ADAMTSL1: variants seen among roughly 807,000 people sequenced by gnomAD.
ADAMTSL1 encodes the protein ADAMTS like 1, also known as ADAMTS-like protein 1.
Under a neutral mutation model 201.8 loss-of-function variants are expected in ADAMTSL1, and 126 were observed. The ratio of observed to expected loss-of-function variants is 0.62; its 90% CI spans 0.54 to 0.72. ADAMTSL1 has a LOEUF of 0.72. ADAMTSL1 is among the 30% of genes least tolerant of loss of function. The pLI is 0.00. For synonymous variants in ADAMTSL1, 1,121 were observed against 903.4 expected (o/e 1.24, Z -4.32); for missense variants, 2,679 against 2,277.8 (o/e 1.18, Z -3.59).
At chr9:18,321,321 T>C (rs1245884418) in intron 2 of ADAMTSL1, among the ~76,000 whole-genome samples, 1 of 152,028 alleles carries the variant, frequency 6.6e-6, no homozygotes, top group African/African-American at 2.4e-5. Flanking sequence ...AACTGACATA[T>C]TAAAGGGAGA....
At chr9:18,470,693 G>A (rs902170799), upstream of ADAMTSL1, among the ~76,000 whole-genome samples, 3 of 152,316 alleles carry the variant, frequency 2.0e-5, no homozygotes, top group South Asian at 4.1e-4. Context: ...CCCAGGGAGA[G>A]AAATACCGAA....
At chr9:18,091,685 A>T (rs779461937) in intron 1 of ADAMTSL1, among the ~76,000 whole-genome samples, 9 of 152,148 alleles carry the variant, frequency 5.9e-5, no homozygotes, top group Non-Finnish European at 1.3e-4. Flanking sequence ...GAAAATGAGG[A>T]TAGCCATCAC....
rs1821144180 is a variant in ADAMTSL1, at chr9:18,777,700, T to C, written c.3471T>C (p.Ser1157=). 1.2e-6 allele frequency: 2 copies of C among 1,613,372 alleles called. No homozygotes were observed. Among genetic ancestry groups the C allele is most frequent in the South Asian group, 1.1e-5 (1 of 91,018 alleles). The change falls in exon 19 of 29, where the codon TCT becomes TCC. Residue 1157 remains serine (S), a synonymous_variant. Coordinates refer to ENST00000380548, the MANE Select transcript of ADAMTSL1 (RefSeq NM_001040272.6). ...TSSTGDAGGG[S]RRPHRKPTIL... ...CCACCGGGGACGCCGGGGGAGGCTCTCGAAGGCCACACCGCAAGCCCACCA... is the reference window on the plus strand; with the variant it reads ...CCACCGGGGACGCCGGGGGAGGCTCCCGAAGGCCACACCGCAAGCCCACCA...
chr9:18,502,261 G>A (rs905689038), intron 1 of ADAMTSL1, among the ~76,000 whole-genome samples: 1 of 152,162 alleles, frequency 6.6e-6, no homozygotes, highest in Non-Finnish European at 1.5e-5. Flanking sequence ...GAATCCTAAC[G>A]TTTGTGATAC....
At chr9:18,879,072 T>G (rs1255771468) in intron 23 of ADAMTSL1, among the ~76,000 whole-genome samples, 1 of 152,220 alleles carries the variant, frequency 6.6e-6, no homozygotes, top group Non-Finnish European at 1.5e-5. Context: ...ACCCCATCAT[T>G]GGCTTAGTTC....
At chr9:18,515,689 C>T (rs549480393) in intron 2 of ADAMTSL1, among the ~76,000 whole-genome samples, 36 of 152,156 alleles carry the variant, frequency 2.4e-4, no homozygotes, top group African/African-American at 7.2e-4. Context: ...TGATCGAGTC[C>T]GCCATGTGGG....
intron 16 of ADAMTSL1, among the ~76,000 whole-genome samples, chr9:18,770,123 G>A (rs1177332437): frequency 6.6e-6 from 1 of 152,110 alleles, no homozygotes; most frequent in Admixed American, 6.6e-5. Flanking sequence ...TAAATCTAAT[G>A]CCCATTCCGT....
At chr9:18,829,063 T>C (rs1279242732) in intron 22 of ADAMTSL1, among the ~76,000 whole-genome samples, 2 of 152,098 alleles carry the variant, frequency 1.3e-5, no homozygotes, top group African/African-American at 2.4e-5. Context: ...AGGGATCTGC[T>C]GCTTTTCCAA....
At chr9:18,128,063 AAC>A (rs772095632) in intron 1 of ADAMTSL1, among the ~76,000 whole-genome samples, 21 of 152,174 alleles carry the variant, frequency 1.4e-4, no homozygotes, top group Non-Finnish European at 1.9e-4. Flanking sequence ...ATTTTTGTCT[AAC>A]AAATGACTAG....
chr9:18,832,309 G>C (rs1224624243), intron 23 of ADAMTSL1, among the ~76,000 whole-genome samples: 2 of 152,298 alleles, frequency 1.3e-5, no homozygotes, highest in South Asian at 4.1e-4. Flanking sequence ...AGACCACAGT[G>C]TGCGCTCTGG....
At chr9:17,996,617 T>C (rs1232403685) in intron 1 of ADAMTSL1, among the ~76,000 whole-genome samples, 1 of 152,054 alleles carries the variant, frequency 6.6e-6, no homozygotes, top group Non-Finnish European at 1.5e-5. Flanking sequence ...GTTTCCCATA[T>C]TGAATCCCAA....
At chr9:18,655,950 G>A (rs540058325) in intron 7 of ADAMTSL1, among the ~76,000 whole-genome samples, 8 of 149,680 alleles carry the variant, frequency 5.3e-5, no homozygotes, top group South Asian at 4.2e-4. Context: ...CTCTTTTTTT[G>A]TGAAAGACAC....
chr9:18,745,806 C>G (rs1219251023), intron 15 of ADAMTSL1, among the ~76,000 whole-genome samples: 4 of 152,180 alleles, frequency 2.6e-5, no homozygotes, highest in African/African-American at 7.2e-5. Flanking sequence ...TTGTAACTCT[C>G]TCCTCTGACA....
intron 2 of ADAMTSL1, among the ~76,000 whole-genome samples, chr9:18,453,135 G>A (rs1438963115): frequency 6.6e-6 from 1 of 152,184 alleles, no homozygotes; most frequent in African/African-American, 2.4e-5. Flanking sequence ...CCATGTAGCC[G>A]TTGCCAAGGT....
rs370627364 is a variant in ADAMTSL1, at chr9:18,500,660, A to G, written c.64-4169A>G. 9.0e-4 allele frequency among the ~76,000 whole-genome samples: 137 copies of G among 152,358 alleles called. 1 individual carries two copies. The highest frequency in any genetic ancestry group is 3.1e-3 in the African/African-American group (129 of 41,580). ...TCTCAGTGGATTTCTCAAATGCTAG[A>G]TCAAAACAGCTGCCAATTGTCCATT... On this transcript the variant is annotated intron_variant, in intron 1 of 28. Transcript: ENST00000380548.
At chr9:18,232,192 C>G (rs921987640) in intron 2 of ADAMTSL1, among the ~76,000 whole-genome samples, 2 of 152,188 alleles carry the variant, frequency 1.3e-5, no homozygotes, top group African/African-American at 4.8e-5. Context: ...TCTAGCCAAA[C>G]TAGCTTCCTT....
chr9:18,156,191 A>C (rs1827142197), intron 1 of ADAMTSL1, among the ~76,000 whole-genome samples: 1 of 152,004 alleles, frequency 6.6e-6, no homozygotes, highest in Non-Finnish European at 1.5e-5. Context: ...GCCTCAGTGC[A>C]AACAACGAGG....
Position 18,892,488 on chromosome 9 carries a change from C to T in ADAMTSL1, c.4743C>T (p.Ser1581=). 11 of 1,610,364 alleles carry T rather than the reference C, an allele frequency of 6.8e-6. No homozygotes were observed. The highest frequency in any genetic ancestry group is 9.3e-6 in the Non-Finnish European group (11 of 1,178,448). The part of the protein sequence containing the change: ...TCQKLKASGI[S]TPVSNDMCTQ... ...AAAAGCTGAAAGCCTCTGGGATCTCCACCCCTGTGTCCAATGACATGTGCA... is the reference window on the plus strand; with the variant it reads ...AAAAGCTGAAAGCCTCTGGGATCTCTACCCCTGTGTCCAATGACATGTGCA... Residue 1581 remains serine (S), a synonymous_variant, in exon 26 of 29, where the codon TCC becomes TCT. Transcript: ENST00000380548.
At chr9:18,317,510 G>T (rs1308286587) in intron 2 of ADAMTSL1, among the ~76,000 whole-genome samples, 5 of 152,070 alleles carry the variant, frequency 3.3e-5, no homozygotes, top group Non-Finnish European at 7.4e-5. Flanking sequence ...ATACATTTAT[G>T]AAATCATCAC....
Sources: allele counts gnomAD v4.1 joint callset (sites outside exome capture counted in the v4.1 genomes callset), GRCh38; gene constraint gnomAD v4.1.1; transcripts MANE v1.5; gene names NCBI Gene and HGNC (gene_info 2026-07-23, HGNC 2026-07-21).